Variants in NTM observed in about 807,000 individuals in gnomAD.
NTM encodes the protein neurotrimin.
A neutral mutation model predicts 42.1 loss-of-function variants in NTM; 13 were observed. The observed-to-expected ratio is 0.31, with a 90% CI of 0.20 to 0.49. The LOEUF is 0.49. Ranked by LOEUF, NTM falls within the 20% of genes least tolerant of loss-of-function variation. NTM has a pLI of 0.99. For missense variants in NTM, 373 were observed against 452.8 expected (o/e 0.82, Z 1.60); for synonymous variants, 187 against 179.2 (o/e 1.04, Z -0.35).
At chr11:131,875,393 A>G (rs897089718) in intron 1 of NTM, among the ~76,000 whole-genome samples, 1 of 152,210 alleles carries the variant, frequency 6.6e-6, no homozygotes, top group African/African-American at 2.4e-5. Context: ...AGGACCTGGT[A>G]TTTAATATGG....
intron 2 of NTM, among the ~76,000 whole-genome samples, chr11:132,017,857 T>C (rs768141865): frequency 6.6e-6 from 1 of 151,996 alleles, no homozygotes; most frequent in Non-Finnish European, 1.5e-5. Context: ...TGTAGGCATT[T>C]ATTGCTGTTT....
intron 1 of NTM, among the ~76,000 whole-genome samples, chr11:131,659,712 C>A (rs970928113): frequency 6.6e-6 from 1 of 152,110 alleles, no homozygotes; most frequent in Non-Finnish European, 1.5e-5. Flanking sequence ...GATCGGGATG[C>A]AATATTTGAC....
chr11:131,973,574 C>T (rs1006193903), intron 2 of NTM, among the ~76,000 whole-genome samples: 13 of 152,168 alleles, frequency 8.5e-5, no homozygotes, highest in African/African-American at 2.9e-4. Context: ...AATCCCAGCA[C>T]CTTGGGCCAC....
At chr11:131,625,571 T>C (rs182725010) in intron 1 of NTM, among the ~76,000 whole-genome samples, 7 of 151,950 alleles carry the variant, frequency 4.6e-5, no homozygotes, top group Admixed American at 2.0e-4. Context: ...TTTTTTTTTT[T>C]CAGATAACGT....
chr11:132,109,664 T>C (rs2062899167), intron 2 of NTM, among the ~76,000 whole-genome samples: 2 of 152,268 alleles, frequency 1.3e-5, no homozygotes, highest in South Asian at 4.1e-4. Context: ...TGTGTCCCAC[T>C]GGGCCTCTTG....
rs71067336 is a variant in NTM, at chr11:131,789,547, AAAGAAGAAGAAGAAGAAG to A, written c.83-121945_83-121928del. On this transcript the variant is annotated intron_variant, in intron 1 of 8. Transcript: ENST00000683400. ...AAGAAGAAGAAGAAGAAGAAGAAGA[AAAGAAGAAGAAGAAGAAG>A]AAGAAGAAGAAGAAGAAGAAGAAGA... Among the ~76,000 whole-genome samples the A allele has an allele frequency of 2.5e-3, 13 of 5,114 alleles. 1 individual carries two copies. The highest frequency in any genetic ancestry group is 0.012 in the South Asian group (2 of 162). 3.4% of individuals were successfully genotyped at this position (5,114 alleles called of 152,430 possible). A position where few individuals can be genotyped will look rare whatever the true frequency, so the allele number is the denominator to read the frequency against.
At chr11:131,809,349 A>T (rs921284052) in intron 1 of NTM, among the ~76,000 whole-genome samples, 1 of 152,086 alleles carries the variant, frequency 6.6e-6, no homozygotes, top group Admixed American at 6.6e-5. Flanking sequence ...CCTGTGTCTG[A>T]TTCACCTTTT....
At chr11:132,285,235 C>T (rs942536711) in intron 4 of NTM, among the ~76,000 whole-genome samples, 1 of 152,176 alleles carries the variant, frequency 6.6e-6, no homozygotes, top group Admixed American at 6.5e-5. Context: ...TCTGTGGCTT[C>T]ACATTAACAT....
intron 1 of NTM, among the ~76,000 whole-genome samples, chr11:131,418,645 G>A (rs73022142): frequency 0.022 from 3,384 of 152,284 alleles, 120 homozygotes; most frequent in African/African-American, 0.074. Context: ...GACTAGACAT[G>A]ATTATGTTCC....
intron 1 of NTM, among the ~76,000 whole-genome samples, chr11:131,508,633 C>T (rs1322429042): frequency 2.0e-5 from 3 of 150,314 alleles, no homozygotes; most frequent in African/African-American, 7.4e-5. Flanking sequence ...TTGGAACCAA[C>T]CCAAATGTCC....
chr11:131,559,757 T>G (rs925870613), intron 1 of NTM, among the ~76,000 whole-genome samples: 1 of 152,150 alleles, frequency 6.6e-6, no homozygotes, highest in African/African-American at 2.4e-5. Flanking sequence ...AAGTGGCTGC[T>G]TCAGCACTTA....
intron 2 of NTM, among the ~76,000 whole-genome samples, chr11:132,029,993 C>A (rs2075710376): frequency 6.6e-6 from 1 of 152,142 alleles, no homozygotes; most frequent in Admixed American, 6.5e-5. Context: ...ACATTGCAAT[C>A]CTTTTTGATA....
intron 3 of NTM, among the ~76,000 whole-genome samples, chr11:132,184,686 A>G (rs61906015): frequency 0.028 from 4,330 of 152,290 alleles, 85 homozygotes; most frequent in African/African-American, 0.058. Flanking sequence ...AAGCTTCAAA[A>G]CTGCATTTTT....
intron 7 of NTM, among the ~76,000 whole-genome samples, chr11:132,316,266 C>A (rs1398904984): frequency 6.6e-6 from 1 of 152,270 alleles, no homozygotes; most frequent in Admixed American, 6.5e-5. Flanking sequence ...ACAAACAGTT[C>A]TCGTAAGAGT....
At chr11:132,153,678 A>T (rs950549085) in intron 3 of NTM, among the ~76,000 whole-genome samples, 1 of 152,156 alleles carries the variant, frequency 6.6e-6, no homozygotes, top group African/African-American at 2.4e-5. Flanking sequence ...GTAGTTGATG[A>T]GAAAGGTTTC....
chr11:132,210,597 A>C (rs1157774302), intron 3 of NTM, among the ~76,000 whole-genome samples: 2 of 152,222 alleles, frequency 1.3e-5, no homozygotes, highest in Non-Finnish European at 2.9e-5. Context: ...CATCCACTTG[A>C]ATGTTAAAAC....
intron 1 of NTM, among the ~76,000 whole-genome samples, chr11:131,841,446 C>G (rs2044230792): frequency 1.3e-5 from 2 of 152,210 alleles, no homozygotes; most frequent in Non-Finnish European, 2.9e-5. Flanking sequence ...AGCTCACCAT[C>G]AAATACAGTG....
chr11:132,199,258 G>A (rs1381589731), intron 3 of NTM, among the ~76,000 whole-genome samples: 1 of 152,182 alleles, frequency 6.6e-6, no homozygotes, highest in Non-Finnish European at 1.5e-5. Flanking sequence ...TGCAAAGCAT[G>A]GTACATAGAG....
intron 8 of NTM, 165 bp from the exon 9 acceptor site, chr11:132,334,880 TG>T: frequency 1.5e-6 from 1 of 664,912 alleles, no homozygotes; most frequent in Non-Finnish European, 1.9e-6. Context: ...CTTGGGGATG[TG>T]GGCCATAGAA....
Sources: allele counts gnomAD v4.1 joint callset (sites outside exome capture counted in the v4.1 genomes callset), GRCh38; gene constraint gnomAD v4.1.1; transcripts MANE v1.5; gene names NCBI Gene and HGNC (gene_info 2026-07-23, HGNC 2026-07-21).